DBP: variants seen among roughly 807,000 people sequenced by gnomAD.
DBP encodes D site-binding protein.
In DBP, 12 loss-of-function variants were observed where a neutral mutation model predicts 21.4. The observed-to-expected ratio is 0.56, with a 90% CI of 0.36 to 0.91. DBP has a LOEUF of 0.91. Ranked by LOEUF, DBP falls within the 40% of genes least tolerant of loss-of-function variation. The pLI is 0.01. For synonymous variants in DBP, 213 were observed against 224.9 expected, an observed-to-expected ratio of 0.95 and a Z score of 0.47; for missense variants, 423 against 473.4, an observed-to-expected ratio of 0.89 and a Z score of 0.99.
rs201353940 is a variant in DBP at position 48,635,971 on chromosome 19, C to A, written c.159G>T (p.Glu53Asp). 86 of 1,522,296 alleles carry A rather than the reference C, an allele frequency of 5.6e-5. No individual in the cohort carries two copies. The Middle Eastern group carries it at 1.1e-3, about 19-fold the overall frequency. 94.3% of individuals were successfully genotyped at this position (1,522,296 alleles called of 1,614,324 possible). ...EPASCLLKEK[E>D]RKAALPAATT... ...TGGCTGCAGGCAGGGCCGCCTTGCG[C>A]TCCTTTTCCTTCAGGAGACCTGCGG... is the stretch of plus-strand genomic sequence containing the variant. The change falls in exon 2 of 4, where the codon GAG becomes GAT. Residue 53 changes from glutamate (E) to aspartate (D), a missense_variant. By Grantham distance (45) the Glu-to-Asp change is conservative. Transcript: ENST00000222122.
chr19:48,630,119 A>G lies in DBP; in HGVS notation c.*718T>C. On this transcript the variant is annotated 3_prime_UTR_variant, in exon 4 of 4. Coordinates refer to ENST00000222122, the MANE Select transcript of DBP (RefSeq NM_001352.5). This position sits in a 1 kb window ranked among gnomAD's most constrained non-coding sequence, Gnocchi z 4.9. ...CGGAGTCTATTTTACGCGTCGCCCA[A>G]TGACAGGACCTGGAATGTACTGGCT... 5.6e-6 allele frequency: 7 copies of G among 1,252,396 alleles called. No individual in the cohort carries two copies. Among genetic ancestry groups the G allele is most frequent in the Non-Finnish European group, 6.0e-6 (6 of 996,174 alleles). The allele number at this position is 1,252,396 out of a possible 1,614,324, so 77.6% of individuals were successfully genotyped here.
chr19:48,634,999 C>A, intron 2 of DBP: 1 of 986,040 alleles, frequency 1.0e-6, no homozygotes, highest in Non-Finnish European at 1.2e-6. Context: ...GAAGCTTGGC[C>A]CCAGCCCCAA....
chr19:48,635,258 C>G (rs2030738760), intron 2 of DBP: 3 of 1,189,640 alleles, frequency 2.5e-6, no homozygotes, highest in South Asian at 1.6e-5. Context: ...GTAAATAACT[C>G]TGGTGTTCCG....
intron 3 of DBP, chr19:48,632,223 G>A (rs1156608281): frequency 7.3e-5 from 11 of 150,896 alleles, no homozygotes; most frequent in African/African-American, 2.2e-4. Context: ...TGCAACCTCC[G>A]TCTCCTGGGT....
chr19:48,634,038 G>A, intron 2 of DBP: 1 of 282,428 alleles, frequency 3.5e-6, no homozygotes, highest in South Asian at 3.5e-5. Flanking sequence ...CCCTGGAGGT[G>A]GAGGTTGCAG....
intron 2 of DBP, chr19:48,635,227 CG>C: frequency 5.3e-6 from 6 of 1,127,222 alleles, no homozygotes; most frequent in Non-Finnish European, 6.6e-6. Flanking sequence ...GGCCCAGATT[CG>C]GGGGTCAGTC....
At position 48,636,839 on chromosome 19, in the gene DBP, T is replaced by G; in HGVS notation, c.139+17A>C. 1 of 1,610,354 alleles carries G rather than the reference T, an allele frequency of 6.2e-7. No homozygotes were observed. Among genetic ancestry groups the G allele is most frequent in the Non-Finnish European group, 8.5e-7 (1 of 1,178,712 alleles). ...GGTAGGGTGTCCGAAGTGGGTGAGA[T>G]GGGGGTTAGAACTCACAGCTGGCCG... is the stretch of plus-strand genomic sequence containing the variant. On this transcript the variant is annotated intron_variant, in intron 1 of 3. Transcript: ENST00000222122.
Position 48,630,289 on chromosome 19 carries a change from G to A in DBP, c.*548C>T. 3.9e-6 allele frequency: 5 copies of A among 1,285,958 alleles called. No homozygotes were observed. Among genetic ancestry groups the A allele is most frequent in the Non-Finnish European group, 4.9e-6 (5 of 1,017,152 alleles). The allele number at this position is 1,285,958 out of a possible 1,614,324, so 79.7% of individuals were successfully genotyped here. On this transcript the variant is annotated 3_prime_UTR_variant, in exon 4 of 4. Coordinates refer to ENST00000222122, the MANE Select transcript of DBP (RefSeq NM_001352.5). The surrounding 1 kb of genome is among the most constrained non-coding windows in gnomAD (Gnocchi z 4.9). ...GATTTGCACTAATGTTCCTCTCCCC[G>A]CGGGTGGGGGCGGGGAAATTCATAT... is the stretch of plus-strand genomic sequence containing the variant.
Position 48,635,837 on chromosome 19 carries a change from C to G in DBP, c.293G>C (p.Gly98Ala), listed in dbSNP as rs1471277927. The change falls in exon 2 of 4, where the codon GGT (glycine) becomes GCT (alanine). Residue 98 changes from glycine to alanine, a missense_variant. Gly to Ala is a moderately conservative substitution (Grantham distance 60). Coordinates refer to ENST00000222122, the MANE Select transcript of DBP (RefSeq NM_001352.5). Reference protein sequence around the residue: ...RGRPGPVPAPGLLAPLLWERT... With the variant: ...RGRPGPVPAPALLAPLLWERT... ...CTCCCACAGCAGTGGCGCCAACAGA[C>G]CCGGGGCGGGCACCGGCCCCGGGCG... 7.1e-7 allele frequency: 1 copy of G among 1,413,854 alleles called. No individual in the cohort carries two copies. Among genetic ancestry groups the G allele is most frequent in the Non-Finnish European group, 9.1e-7 (1 of 1,094,234 alleles). The allele number at this position is 1,413,854 out of a possible 1,614,324, so 87.6% of individuals were successfully genotyped here.
intron 2 of DBP, chr19:48,634,115 G>A (rs2030696191): frequency 1.2e-5 from 2 of 173,728 alleles, no homozygotes; most frequent in Non-Finnish European, 2.5e-5. Context: ...CCAAAATAAC[G>A]AGAAAAATGA....
Position 48,630,134 on chromosome 19 carries a change from A to C in DBP, c.*703T>G. The C allele has an allele frequency of 8.0e-7, 1 of 1,252,066 alleles. No individual in the cohort carries two copies. The highest frequency in any genetic ancestry group is 1.0e-6 in the Non-Finnish European group (1 of 995,926). The allele number at this position is 1,252,066 out of a possible 1,614,324, so 77.6% of individuals were successfully genotyped here. A position where few individuals can be genotyped will look rare whatever the true frequency, so the allele number is the denominator to read the frequency against. On this transcript the variant is annotated 3_prime_UTR_variant, in exon 4 of 4. Coordinates refer to ENST00000222122, the MANE Select transcript of DBP (RefSeq NM_001352.5). The surrounding 1 kb of genome is among the most constrained non-coding windows in gnomAD (Gnocchi z 4.9). Reference sequence around the variant, plus strand: ...GCGTCGCCCAATGACAGGACCTGGAATGTACTGGCTGGGGTAGGCCTCAGT... The same window carrying C: ...GCGTCGCCCAATGACAGGACCTGGACTGTACTGGCTGGGGTAGGCCTCAGT...
intron 2 of DBP, chr19:48,634,727 G>A (rs1472901974): frequency 1.0e-6 from 1 of 985,446 alleles, no homozygotes; most frequent in Admixed American, 6.1e-5. Context: ...GCTGGGAAGG[G>A]TAGGGCCCTG....
At chr19:48,634,661 G>A (rs1044416931) in intron 2 of DBP, 3 of 982,444 alleles carry the variant, frequency 3.1e-6, no homozygotes, top group Non-Finnish European at 3.6e-6. Flanking sequence ...GCTTGAAGGC[G>A]CCTGCGCGAA....
At position 48,630,317 on chromosome 19, in the gene DBP, CCT is replaced by C. The variant is rs1050364252; in HGVS notation, c.*518_*519del. 6 of 1,302,752 alleles carry C rather than the reference CCT, an allele frequency of 4.6e-6. No homozygotes were observed. In the Admixed American group the frequency reaches 1.5e-4, roughly 32 times the overall value. The allele number at this position is 1,302,752 out of a possible 1,614,324, so 80.7% of individuals were successfully genotyped here. A position where few individuals can be genotyped will look rare whatever the true frequency, so the allele number is the denominator to read the frequency against. ...GGTGGGGGCGGGGAAATTCATATCC[CCT>C]GTTCGTCTCATGCGCGTCCTCCGTC... On this transcript the variant is annotated 3_prime_UTR_variant, in exon 4 of 4. Transcript: ENST00000222122. The surrounding 1 kb of genome is among the most constrained non-coding windows in gnomAD (Gnocchi z 4.9).
At position 48,635,746 on chromosome 19, in the gene DBP, G is replaced by A. The variant is rs967813313; in HGVS notation, c.384C>T (p.Leu128=). 1 of 1,378,798 alleles carries A rather than the reference G, an allele frequency of 7.3e-7. No homozygotes were observed. Among genetic ancestry groups the A allele is most frequent in the Non-Finnish European group, 9.3e-7 (1 of 1,072,662 alleles). 85.4% of individuals were successfully genotyped at this position (1,378,798 alleles called of 1,614,324 possible). Reference sequence around the variant, plus strand: ...CACCGGGGGGCGGCGGGCTGGGCGGGAGCCCGTGCTCCAGCAGGAAGGCGT... The same window carrying A: ...CACCGGGGGGCGGCGGGCTGGGCGGAAGCCCGTGCTCCAGCAGGAAGGCGT... The part of the protein sequence containing the change: ...DLDAFLLEHG[L]PPSPPPPGGP... The change falls in exon 2 of 4, where the codon CTC becomes CTT. Residue 128 remains leucine (L), a synonymous_variant. Transcript: ENST00000222122.
intron 2 of DBP, chr19:48,635,092 G>A: frequency 1.0e-6 from 1 of 987,370 alleles, no homozygotes; most frequent in East Asian, 1.1e-4. Context: ...CCCCACTGGG[G>A]GACCCAGGGA....
At chr19:48,633,193 TG>T (rs2030659669) in intron 3 of DBP, 1 of 604,968 alleles carries the variant, frequency 1.7e-6, no homozygotes, top group Non-Finnish European at 2.9e-6. Context: ...GAGATCCTCC[TG>T]CCTCAGCCCC....
intron 2 of DBP, 22 bp downstream of exon 2, chr19:48,635,538 AGCCCCGCCCCGTCAGGACCC>A: frequency 1.4e-6 from 2 of 1,450,590 alleles, no homozygotes; most frequent in Non-Finnish European, 1.8e-6. Context: ...CCTGAGTCCA[AGCCCCGCCCCGTCAGGACCC>A]GCCCCGCCCC....
At position 48,630,400 on chromosome 19, in the gene DBP, C is replaced by T. The variant is rs1320005627; in HGVS notation, c.*437G>A. The T allele has an allele frequency of 1.9e-5, 27 of 1,394,418 alleles. No individual in the cohort carries two copies. Among genetic ancestry groups the T allele is most frequent in the Non-Finnish European group, 2.3e-5 (25 of 1,076,556 alleles). 86.4% of individuals were successfully genotyped at this position (1,394,418 alleles called of 1,614,324 possible). A position where few individuals can be genotyped will look rare whatever the true frequency, so the allele number is the denominator to read the frequency against. On this transcript the variant is annotated 3_prime_UTR_variant, in exon 4 of 4. Transcript: ENST00000222122. This position sits in a 1 kb window ranked among gnomAD's most constrained non-coding sequence, Gnocchi z 4.9. ...TGCAATAAAGGCAGTCGCTTCATTC[C>T]TCTCAGACCTTCTGCCCTTCCTCCA...
Sources: allele counts gnomAD v4.1 joint callset, GRCh38; gene constraint gnomAD v4.1.1; non-coding constraint Gnocchi (gnomAD v3.1); transcripts MANE v1.5; gene names NCBI Gene and HGNC (gene_info 2026-07-23, HGNC 2026-07-21).